Variants in KCNN2 observed in about 807,000 individuals in gnomAD.
KCNN2 encodes potassium calcium-activated channel subfamily N member 2.
In KCNN2, 24 loss-of-function variants were observed where a neutral mutation model predicts 55.5. That is an observed-to-expected ratio of 0.43 (90% CI 0.31 to 0.61). The LOEUF (loss-of-function observed/expected upper bound fraction) is 0.61, where lower values mean the gene tolerates loss of function less well. Among genes scored for constraint, KCNN2 ranks in the 20% least tolerant of loss-of-function variants. KCNN2 has a pLI of 0.08. For missense variants in KCNN2, 754 were observed against 853.6 expected (o/e 0.88, Z 1.45); for synonymous variants, 431 against 336.1 (o/e 1.28, Z -3.09).
At chr5:114,168,271 T>C (rs1243360348) in intron 1 of KCNN2, among the ~76,000 whole-genome samples, 1 of 151,916 alleles carries the variant, frequency 6.6e-6, no homozygotes, top group Non-Finnish European at 1.5e-5. Context: ...TTAGTTTCCA[T>C]AGGATATTTA....
In KCNN2 at chr5:114,364,727, C is replaced by T. The variant is rs376822034; in HGVS notation, c.1218+726C>T. Among the ~76,000 whole-genome samples the T allele has an allele frequency of 7.3e-5, 11 of 150,940 alleles. No individual in the cohort carries two copies. The East Asian group carries it at 2.0e-3, about 27-fold the overall frequency. On this transcript the variant is annotated intron_variant, in intron 2 of 7. Transcript: ENST00000673685. ...CTATAAAACTTACGGGTCATCTTGT[C>T]AGTTGTTAGCCTACACAGGAATATT...
At chr5:114,296,905 A>C (rs1561560556) in intron 2 of KCNN2, among the ~76,000 whole-genome samples, 1 of 152,252 alleles carries the variant, frequency 6.6e-6, no homozygotes. Flanking sequence ...GAAACAAAGC[A>C]AACATTTAGT....
At chr5:114,165,410 T>G (rs1752888072) in intron 1 of KCNN2, among the ~76,000 whole-genome samples, 1 of 152,206 alleles carries the variant, frequency 6.6e-6, no homozygotes, top group Non-Finnish European at 1.5e-5. Context: ...CAGATTAAAA[T>G]TTATTTATGA....
chr5:114,106,626 C>G (rs888859448), intron 1 of KCNN2, among the ~76,000 whole-genome samples: 2 of 137,170 alleles, frequency 1.5e-5, no homozygotes, highest in Non-Finnish European at 3.1e-5. Flanking sequence ...ACTAATGGCA[C>G]TGAGGATTTT....
chr5:114,078,948 A>T (rs962934612), intron 1 of KCNN2, among the ~76,000 whole-genome samples: 1 of 152,080 alleles, frequency 6.6e-6, no homozygotes, highest in South Asian at 2.1e-4. Flanking sequence ...TTTTTTTTGT[A>T]TGTGTCTATC....
chr5:114,174,592 T>C (rs1374962434), intron 1 of KCNN2, among the ~76,000 whole-genome samples: 1 of 152,200 alleles, frequency 6.6e-6, no homozygotes, highest in African/African-American at 2.4e-5. Flanking sequence ...TCCTTTGATG[T>C]ATATTTCAAA....
chr5:114,297,585 ACTT>A (rs1756054946), intron 2 of KCNN2, among the ~76,000 whole-genome samples: 1 of 152,118 alleles, frequency 6.6e-6, no homozygotes, highest in Non-Finnish European at 1.5e-5. Flanking sequence ...ATACCACTAA[ACTT>A]CATAATACTG....
intron 3 of KCNN2, among the ~76,000 whole-genome samples, chr5:114,429,463 C>T (rs1312539725): frequency 6.6e-6 from 1 of 151,920 alleles, no homozygotes; most frequent in Non-Finnish European, 1.5e-5. Flanking sequence ...TAATGTGGTG[C>T]CGTTCAGATC....
At chr5:114,492,895 T>TG (rs1747928841) in intron 6 of KCNN2, among the ~76,000 whole-genome samples, 1 of 152,114 alleles carries the variant, frequency 6.6e-6, no homozygotes, top group East Asian at 1.9e-4. Context: ...AGTTTTTTTT[T>TG]TTGTTAATAA....
chr5:114,366,361 C>A (rs36947), intron 2 of KCNN2, among the ~76,000 whole-genome samples: 55,009 of 151,992 alleles, frequency 0.36, 11,473 homozygotes, highest in East Asian at 0.82. Flanking sequence ...GTTAAACCCA[C>A]TATACTTAAG....
intron 3 of KCNN2, among the ~76,000 whole-genome samples, chr5:114,432,781 C>T (rs575759199): frequency 8.5e-5 from 13 of 152,320 alleles, no homozygotes; most frequent in South Asian, 2.1e-4. Flanking sequence ...GCCGAGCAGC[C>T]GGCCAGCCCT....
intron 1 of KCNN2, among the ~76,000 whole-genome samples, chr5:114,146,835 C>T (rs1260792048): frequency 6.6e-6 from 1 of 152,128 alleles, no homozygotes; most frequent in Non-Finnish European, 1.5e-5. Flanking sequence ...TTTATGATTA[C>T]CACTGGATAA....
chr5:114,094,309 C>G (rs1158116), intron 1 of KCNN2, among the ~76,000 whole-genome samples: 61,534 of 151,700 alleles, frequency 0.41, 13,042 homozygotes, highest in East Asian at 0.65. Flanking sequence ...TAGAACCACA[C>G]TTACCCCACC....
At chr5:114,249,985 A>G (rs988945318) in intron 2 of KCNN2, among the ~76,000 whole-genome samples, 2 of 152,162 alleles carry the variant, frequency 1.3e-5, no homozygotes, top group Non-Finnish European at 2.9e-5. Context: ...AGCTTTTAAA[A>G]TTACTCACAT....
intron 2 of KCNN2, among the ~76,000 whole-genome samples, chr5:114,302,213 T>G (rs1756180227): frequency 6.6e-6 from 1 of 152,232 alleles, no homozygotes. Flanking sequence ...TGACTTTGCA[T>G]AGTTACTAAC....
At chr5:114,303,034 G>A (rs537556212) in intron 2 of KCNN2, among the ~76,000 whole-genome samples, 2 of 152,290 alleles carry the variant, frequency 1.3e-5, no homozygotes, top group East Asian at 3.9e-4. Flanking sequence ...GATATACGTC[G>A]ATGTACTGAA....
chr5:114,355,866 T>G (rs1187618026), intron 2 of KCNN2, among the ~76,000 whole-genome samples: 2 of 152,142 alleles, frequency 1.3e-5, no homozygotes, highest in Admixed American at 6.5e-5. Flanking sequence ...AGTATCTGTA[T>G]TTTTAAAATA....
At chr5:114,392,869 T>C (rs1758493204) in intron 2 of KCNN2, among the ~76,000 whole-genome samples, 1 of 151,606 alleles carries the variant, frequency 6.6e-6, no homozygotes, top group African/African-American at 2.4e-5. Flanking sequence ...GGAGGCTTTT[T>C]TTTTGTTTTT....
At chr5:114,458,836 G>A (rs573733939) in intron 3 of KCNN2, among the ~76,000 whole-genome samples, 2 of 152,184 alleles carry the variant, frequency 1.3e-5, no homozygotes, top group African/African-American at 2.4e-5. Flanking sequence ...GAGTACAAAC[G>A]AGGGTTAGAG....
Sources: gnomAD v4.1 joint callset for allele counts (sites outside exome capture counted in the v4.1 genomes callset) on GRCh38, gnomAD v4.1.1 for gene constraint, MANE v1.5 for transcripts, NCBI Gene and HGNC (gene_info 2026-07-23, HGNC 2026-07-21) for gene names.